Variants in CERS3 observed in about 807,000 individuals in gnomAD.
CERS3 encodes the protein ceramide synthase 3.
In CERS3, 33 loss-of-function variants were observed where a neutral mutation model predicts 50.3. The observed-to-expected ratio is 0.66, with a 90% CI of 0.50 to 0.88. CERS3 has a LOEUF of 0.88. CERS3 is among the 40% of genes least tolerant of loss of function. The pLI is 0.00. For missense variants in CERS3, 470 were observed against 460.3 expected (o/e 1.02, Z -0.19); for synonymous variants, 176 against 155.2 (o/e 1.13, Z -0.99).
intron 11 of CERS3, among the ~76,000 whole-genome samples, chr15:100,442,096 G>A (rs955987922): frequency 1.3e-5 from 2 of 152,076 alleles, no homozygotes; most frequent in Non-Finnish European, 1.5e-5. Flanking sequence ...TCTTAAAAAG[G>A]TGGCTGGAGA....
At position 100,402,783 on chromosome 15, in the gene CERS3, T is replaced by A. The variant is rs776861443; in HGVS notation, c.1082A>T (p.Glu361Val). The A allele has an allele frequency of 1.3e-5, 21 of 1,614,086 alleles. No individual in the cohort carries two copies. The highest frequency in any genetic ancestry group is 1.7e-5 in the Non-Finnish European group (20 of 1,180,032). Residue 361 changes from glutamate to valine, a missense_variant, in exon 12 of 12, where the codon GAG (glutamate) becomes GTG (valine). By Grantham distance (121) the Glu-to-Val change is moderately radical. Coordinates refer to ENST00000679737, the MANE Select transcript of CERS3 (RefSeq NM_001378789.1). ...EEEEEATKGK[E>V]MDCLKNGLRA... ...GAGGCCGTTCTTTAAACAATCCATC[T>A]CTTTGCCTTTGGTAGCCTCTTCTTC...
rs943244041 is a variant in CERS3 at position 100,402,605 on chromosome 15, G to T, written c.*108C>A. 11 of 1,071,288 alleles carry T rather than the reference G, an allele frequency of 1.0e-5. No individual in the cohort carries two copies. The highest frequency in any genetic ancestry group is 2.5e-5 in the Admixed American group (1 of 39,774). The allele number at this position is 1,071,288 out of a possible 1,614,324, so 66.4% of individuals were successfully genotyped here. A position where few individuals can be genotyped will look rare whatever the true frequency, so the allele number is the denominator to read the frequency against. On this transcript the variant is annotated 3_prime_UTR_variant, in exon 12 of 12. Coordinates refer to ENST00000679737, the MANE Select transcript of CERS3 (RefSeq NM_001378789.1). ...CATCTTAGGTGGGAGGGAAGGCGGT[G>T]GTGAGAAAGAGGGAAGGGCAGAATG... is the stretch of plus-strand genomic sequence containing the variant.
intron 3 of CERS3, among the ~76,000 whole-genome samples, chr15:100,494,389 A>G (rs937298862): frequency 2.6e-5 from 4 of 151,538 alleles, no homozygotes; most frequent in African/African-American, 9.7e-5. Context: ...CTGGGACTAC[A>G]GGTGCCTACC....
At chr15:100,459,861 T>G (rs1460231561) in intron 10 of CERS3, among the ~76,000 whole-genome samples, 4 of 152,118 alleles carry the variant, frequency 2.6e-5, no homozygotes, top group African/African-American at 9.7e-5. Flanking sequence ...CTATATATAT[T>G]TATACATCTA....
intron 10 of CERS3, among the ~76,000 whole-genome samples, chr15:100,465,907 C>T (rs1048600898): frequency 2.0e-5 from 3 of 152,160 alleles, no homozygotes. Flanking sequence ...GATCCTCCTG[C>T]CTTGGCCTCC....
intron 11 of CERS3, among the ~76,000 whole-genome samples, chr15:100,412,969 G>T (rs947061396): frequency 6.6e-6 from 1 of 152,130 alleles, no homozygotes; most frequent in Admixed American, 6.5e-5. Context: ...CAGCTTAGTG[G>T]CAGCAGAGCC....
At chr15:100,497,191 G>A (rs558708036) in intron 3 of CERS3, among the ~76,000 whole-genome samples, 1 of 151,964 alleles carries the variant, frequency 6.6e-6, no homozygotes, top group East Asian at 1.9e-4. Flanking sequence ...AGTAGTGCAT[G>A]GGGAAAAAAA....
At chr15:100,448,271 T>G (rs988264838) in intron 11 of CERS3, among the ~76,000 whole-genome samples, 5 of 152,096 alleles carry the variant, frequency 3.3e-5, no homozygotes, top group Non-Finnish European at 5.9e-5. Context: ...TAATCACACT[T>G]TGAACAGATC....
At chr15:100,409,875 G>A (rs1348210036) in intron 11 of CERS3, among the ~76,000 whole-genome samples, 1 of 152,194 alleles carries the variant, frequency 6.6e-6, no homozygotes, top group East Asian at 1.9e-4. Context: ...GAAGAGTGGA[G>A]GGGTGGACCT....
intron 2 of CERS3, among the ~76,000 whole-genome samples, chr15:100,512,503 G>A (rs991828832): frequency 2.0e-5 from 3 of 152,148 alleles, no homozygotes; most frequent in Non-Finnish European, 4.4e-5. Context: ...CAGAGGGCTG[G>A]TTTCCAGCAA....
intron 11 of CERS3, among the ~76,000 whole-genome samples, chr15:100,449,631 G>A (rs1277418766): frequency 6.6e-6 from 1 of 152,172 alleles, no homozygotes; most frequent in Non-Finnish European, 1.5e-5. Flanking sequence ...ACACCACTGA[G>A]GTTGTTTATA....
At chr15:100,437,093 T>C (rs1364350577) in intron 11 of CERS3, among the ~76,000 whole-genome samples, 1 of 151,910 alleles carries the variant, frequency 6.6e-6, no homozygotes, top group Non-Finnish European at 1.5e-5. Flanking sequence ...ACAGGTGCGC[T>C]CCACCATGCC....
intron 11 of CERS3, among the ~76,000 whole-genome samples, chr15:100,446,452 A>G (rs943483098): frequency 6.6e-6 from 1 of 151,634 alleles, no homozygotes; most frequent in Non-Finnish European, 1.5e-5. Flanking sequence ...GAGATGGTAG[A>G]AAACTCAGAG....
In CERS3 at chr15:100,505,135, G is replaced by A. The variant is rs74041474; in HGVS notation, c.-1-3285C>T. Reference sequence around the variant, plus strand: ...GCCTCAGCATGTTCCTTACTTTATTGGTTCCAAATTTAATAGATAAGGACT... The same window carrying A: ...GCCTCAGCATGTTCCTTACTTTATTAGTTCCAAATTTAATAGATAAGGACT... On this transcript the variant is annotated intron_variant, in intron 2 of 11. Transcript: ENST00000679737. Among the ~76,000 whole-genome samples the A allele has an allele frequency of 2.1e-3, 315 of 152,150 alleles. 3 individuals carry two copies. Among genetic ancestry groups the A allele is most frequent in the African/African-American group, 7.0e-3 (292 of 41,486 alleles).
In CERS3 at chr15:100,402,056, C is replaced by T. The variant is rs550564567; in HGVS notation, c.*657G>A. 6.6e-6 allele frequency: 1 copy of T among 152,210 alleles called. No homozygotes were observed. Among genetic ancestry groups the T allele is most frequent in the Non-Finnish European group, 1.5e-5 (1 of 68,056 alleles). The allele number at this position is 152,210 out of a possible 1,614,324, so 9.4% of individuals were successfully genotyped here. ...CTTTTGTTCAGGCCCATTGCAGTGC[C>T]ATGTTTAGCCAGGTTTCTGTCTCCC... On this transcript the variant is annotated 3_prime_UTR_variant, in exon 12 of 12. Coordinates refer to ENST00000679737, the MANE Select transcript of CERS3 (RefSeq NM_001378789.1).
At chr15:100,408,859 C>A (rs1251279199) in intron 11 of CERS3, 1 of 152,302 alleles carries the variant, frequency 6.6e-6, no homozygotes, top group Non-Finnish European at 1.5e-5. Context: ...AACAACATTT[C>A]CTCCTCACAG....
At chr15:100,429,918 G>C (rs1452981682) in intron 11 of CERS3, among the ~76,000 whole-genome samples, 1 of 151,700 alleles carries the variant, frequency 6.6e-6, no homozygotes, top group East Asian at 1.9e-4. Context: ...CTACACTTTT[G>C]GCTTTACTTT....
intron 1 of CERS3, among the ~76,000 whole-genome samples, chr15:100,543,360 C>G (rs1490895661): frequency 6.6e-6 from 1 of 152,184 alleles, no homozygotes; most frequent in African/African-American, 2.4e-5. Context: ...ACTCCACATA[C>G]TACTTAGATT....
intron 2 of CERS3, among the ~76,000 whole-genome samples, chr15:100,520,037 G>A (rs1270055472): frequency 6.6e-6 from 1 of 152,166 alleles, no homozygotes; most frequent in Non-Finnish European, 1.5e-5. Flanking sequence ...TTCCAGACTT[G>A]CTAGGTGATC....
Sources: allele counts gnomAD v4.1 joint callset (sites outside exome capture counted in the v4.1 genomes callset), GRCh38; gene constraint gnomAD v4.1.1; transcripts MANE v1.5; gene names NCBI Gene and HGNC (gene_info 2026-07-23, HGNC 2026-07-21).